PACRG: variants seen among roughly 807,000 people sequenced by gnomAD.
PACRG encodes parkin coregulated gene protein.
Under a neutral mutation model 29.7 loss-of-function variants are expected in PACRG, and 29 were observed. The observed-to-expected ratio is 0.98, with a 90% confidence interval of 0.73 to 1.33. The LOEUF is 1.33. Among genes scored for constraint, PACRG ranks in the 40% most tolerant of loss-of-function variants. The pLI, the probability that PACRG is intolerant of heterozygous loss-of-function variation, is 0.00. For missense variants in PACRG, 279 were observed against 316.2 expected, an observed-to-expected ratio of 0.88 and a Z score of 0.89; for synonymous variants, 116 against 118.7, an observed-to-expected ratio of 0.98 and a Z score of 0.15.
chr6:163,269,772 G>GAAAT (rs1783666469), intron 4 of PACRG, among the ~76,000 whole-genome samples: 2 of 103,054 alleles, frequency 1.9e-5, no homozygotes, highest in African/African-American at 7.5e-5. Flanking sequence ...GAGACAGACA[G>GAAAT]ACAGACAGAC....
At chr6:163,108,541 T>A (rs1210690958) in intron 4 of PACRG, among the ~76,000 whole-genome samples, 4 of 149,960 alleles carry the variant, frequency 2.7e-5, no homozygotes, top group Non-Finnish European at 1.5e-5. Flanking sequence ...CACAGGCATG[T>A]GCCACCACAC....
chr6:163,102,634 G>C (rs1815162705), intron 4 of PACRG, among the ~76,000 whole-genome samples: 1 of 152,208 alleles, frequency 6.6e-6, no homozygotes, highest in Non-Finnish European at 1.5e-5. Flanking sequence ...AGGACCACGT[G>C]ATGATATGTA....
intron 4 of PACRG, among the ~76,000 whole-genome samples, chr6:163,181,129 G>A (rs1045330358): frequency 1.3e-5 from 2 of 152,226 alleles, no homozygotes; most frequent in Non-Finnish European, 2.9e-5. Flanking sequence ...AGAAGGGGCT[G>A]AGGGATCCTG....
At chr6:163,123,336 G>A (rs376966326) in intron 4 of PACRG, among the ~76,000 whole-genome samples, 12 of 152,350 alleles carry the variant, frequency 7.9e-5, no homozygotes, top group African/African-American at 2.4e-4. Context: ...GGCGGGAACC[G>A]CCATGTCGGG....
intron 1 of PACRG, among the ~76,000 whole-genome samples, chr6:162,759,217 C>T (rs1459533781): frequency 1.3e-5 from 2 of 152,160 alleles, no homozygotes; most frequent in Non-Finnish European, 2.9e-5. Context: ...TTGAAGAAAA[C>T]AAATTGGCAC....
chr6:163,232,068 G>T (rs1010052613), intron 4 of PACRG, among the ~76,000 whole-genome samples: 1 of 152,210 alleles, frequency 6.6e-6, no homozygotes, highest in Non-Finnish European at 1.5e-5. Context: ...GCACTGACTT[G>T]CTGGGACTCT....
intron 2 of PACRG, among the ~76,000 whole-genome samples, chr6:162,869,834 A>G (rs1792647718): frequency 6.6e-6 from 1 of 152,216 alleles, no homozygotes; most frequent in African/African-American, 2.4e-5. Context: ...TAAACATTGT[A>G]ATCTGCAAGT....
At chr6:163,244,824 G>T (rs1043131424) in intron 4 of PACRG, 1 of 264,676 alleles carries the variant, frequency 3.8e-6, no homozygotes, top group Non-Finnish European at 7.6e-6. Context: ...CAGAACATGA[G>T]ATTTTTAACC....
At chr6:162,995,734 G>T (rs1349898164) in intron 2 of PACRG, among the ~76,000 whole-genome samples, 2 of 152,222 alleles carry the variant, frequency 1.3e-5, no homozygotes. Flanking sequence ...GTAGACCGGA[G>T]CTGTTCCTAT....
At chr6:162,801,275 ATTT>A (rs1785840840) in intron 1 of PACRG, among the ~76,000 whole-genome samples, 1 of 152,010 alleles carries the variant, frequency 6.6e-6, no homozygotes, top group African/African-American at 2.4e-5. Context: ...TGCCCGGCTA[ATTT>A]TTGTATTTTT....
At chr6:163,080,100 G>A (rs1248252081) in intron 3 of PACRG, among the ~76,000 whole-genome samples, 2 of 151,572 alleles carry the variant, frequency 1.3e-5, no homozygotes, top group Admixed American at 6.6e-5. Flanking sequence ...GGGTTTCACC[G>A]TGTTAGCCAG....
intron 3 of PACRG, among the ~76,000 whole-genome samples, chr6:163,078,121 A>C (rs1053555711): frequency 6.6e-6 from 1 of 152,240 alleles, no homozygotes; most frequent in Non-Finnish European, 1.5e-5. Context: ...CTGAAGTCAG[A>C]CTACCTCATC....
At position 162,773,494 on chromosome 6, in the gene PACRG, A is replaced by ATTTTTTTTTT. The variant is rs71008110; in HGVS notation, c.157-40631_157-40622dup. On this transcript the variant is annotated intron_variant, in intron 1 of 4. Coordinates refer to ENST00000366888, the MANE Select transcript of PACRG (RefSeq NM_001080379.2). ...ATATTTGGTATTTTTACAGCTTGTC[A>ATTTTTTTTTT]TTTTTTTTTTTTTTTTTTTTTTTTT... is the stretch of plus-strand genomic sequence containing the variant. 2.7e-4 allele frequency among the ~76,000 whole-genome samples: 18 copies of ATTTTTTTTTT among 66,026 alleles called. 1 individual carries two copies. The highest frequency in any genetic ancestry group is 1.9e-3 in the East Asian group (3 of 1,596). The allele number at this position is 66,026 out of a possible 152,430, so 43.3% of individuals were successfully genotyped here.
intron 2 of PACRG, among the ~76,000 whole-genome samples, chr6:162,844,904 A>T (rs961758847): frequency 6.6e-6 from 1 of 152,138 alleles, no homozygotes; most frequent in Non-Finnish European, 1.5e-5. Flanking sequence ...CTATGCTTTT[A>T]TTATTATTTT....
chr6:162,928,663 C>G (rs980500503), intron 2 of PACRG, among the ~76,000 whole-genome samples: 1 of 151,794 alleles, frequency 6.6e-6, no homozygotes, highest in Admixed American at 6.6e-5. Context: ...TGCAATAGAT[C>G]GTTGTATGCT....
At chr6:162,785,853 G>T (rs1177316647) in intron 1 of PACRG, among the ~76,000 whole-genome samples, 4 of 152,250 alleles carry the variant, frequency 2.6e-5, no homozygotes, top group Non-Finnish European at 4.4e-5. Context: ...CAGGGATTGG[G>T]GACCCCTACC....
chr6:162,826,590 A>G (rs1047312464), intron 2 of PACRG, among the ~76,000 whole-genome samples: 2 of 151,692 alleles, frequency 1.3e-5, no homozygotes, highest in Non-Finnish European at 2.9e-5. Context: ...CAGCCTCCCA[A>G]GTAGCTGGAA....
intron 3 of PACRG, among the ~76,000 whole-genome samples, chr6:163,068,135 T>A (rs1253175820): frequency 6.6e-6 from 1 of 152,222 alleles, no homozygotes; most frequent in African/African-American, 2.4e-5. Flanking sequence ...ACTCCTTTTT[T>A]ATGTTCAACC....
intron 4 of PACRG, among the ~76,000 whole-genome samples, chr6:163,114,396 A>C (rs886719649): frequency 1.3e-5 from 2 of 152,348 alleles, no homozygotes; most frequent in East Asian, 3.9e-4. Flanking sequence ...CCTTAGGGTG[A>C]CCACAAAGAA....
Sources: allele counts gnomAD v4.1 joint callset (sites outside exome capture counted in the v4.1 genomes callset), GRCh38; gene constraint gnomAD v4.1.1; transcripts MANE v1.5; gene names NCBI Gene and HGNC (gene_info 2026-07-23, HGNC 2026-07-21).